Variants in DENND4C observed in about 807,000 individuals in gnomAD.
The protein encoded by DENND4C is DENN domain-containing protein 4C.
A neutral mutation model predicts 203.0 loss-of-function variants in DENND4C; 108 were observed. The ratio of observed to expected loss-of-function variants is 0.53; its 90% confidence interval spans 0.46 to 0.62. The LOEUF is 0.62. DENND4C is among the 20% of genes least tolerant of loss of function. DENND4C has a pLI of 0.00. For synonymous variants in DENND4C, 871 were observed against 792.4 expected (o/e 1.10, Z -1.67); for missense variants, 2,481 against 2,301.2 (o/e 1.08, Z -1.60).
intron 2 of DENND4C, among the ~76,000 whole-genome samples, chr9:19,282,715 CTTTT>C (rs1554717864): frequency 2.3e-5 from 2 of 86,638 alleles, no homozygotes; most frequent in Non-Finnish European, 2.1e-5. Context: ...TTTCTTCTCT[CTTTT>C]TTTTTTTTTT....
Position 19,278,184 on chromosome 9 carries a change from G to A in DENND4C, c.305+1705G>A, listed in dbSNP as rs191628981. Among the ~76,000 whole-genome samples, 807 of 151,328 alleles carry A rather than the reference G, an allele frequency of 5.3e-3. 4 individuals are homozygous for A. Among genetic ancestry groups the A allele is most frequent in the Middle Eastern group, 0.017 (5 of 294 alleles). ...AGAGTCTGGCTTCGTTGCCCAGGCT[G>A]GAGTGCAGTGGCGCAATCTTGGCTC... On this transcript the variant is annotated intron_variant, in intron 2 of 32. Coordinates refer to ENST00000434457, the MANE Select transcript of DENND4C (RefSeq NM_001330640.2).
chr9:19,348,259 G>A (rs1322090748), intron 23 of DENND4C, among the ~76,000 whole-genome samples: 1 of 152,198 alleles, frequency 6.6e-6, no homozygotes, highest in Non-Finnish European at 1.5e-5. Flanking sequence ...GATACAACTA[G>A]GGAATAGTAG....
chr9:19,245,867 A>C (rs1302922324), intron 1 of DENND4C, among the ~76,000 whole-genome samples: 1 of 152,158 alleles, frequency 6.6e-6, no homozygotes, highest in Non-Finnish European at 1.5e-5. Flanking sequence ...AAAAAAAAAA[A>C]AAAAATTGTA....
At chr9:19,297,343 A>C (rs559169064) in intron 6 of DENND4C, among the ~76,000 whole-genome samples, 4 of 152,302 alleles carry the variant, frequency 2.6e-5, no homozygotes, top group East Asian at 3.9e-4. Context: ...AACTCATCAT[A>C]ATTTGATATT....
intron 25 of DENND4C, 140 bp downstream of exon 25, chr9:19,352,322 A>T (rs958376385): frequency 1.4e-4 from 144 of 1,029,472 alleles, no homozygotes; most frequent in Non-Finnish European, 1.9e-4. Context: ...TTGATGTCTT[A>T]TGTAAGTAAG....
chr9:19,296,194 A>T lies in DENND4C; in HGVS notation c.988A>T (p.Met330Leu), dbSNP rs770551577. 1 of 1,613,730 alleles carries T rather than the reference A, an allele frequency of 6.2e-7. No homozygotes were observed. The highest frequency in any genetic ancestry group is 8.5e-7 in the Non-Finnish European group (1 of 1,179,814). The change falls in exon 6 of 33, where the codon ATG becomes TTG. Residue 330 changes from methionine to leucine, a missense_variant. Physicochemically the swap from Met to Leu is conservative, Grantham distance 15. This residue lies in a region of DENND4C where 2,289 missense variants were observed against 2,113.3 expected (regional missense o/e 1.08). Transcript: ENST00000434457. ...TTTTGAAGCTTTTAGGAAATTTCTT[A>T]TGTTTATCTACAAACTTTCTGTGTC... ...PFFEAFRKFL[M>L]FIYKLSVSGP...
In DENND4C at chr9:19,374,149, T is replaced by C. The variant is rs1247424868; in HGVS notation, c.*1976T>C. Among the ~76,000 whole-genome samples, 15 of 152,188 alleles carry C rather than the reference T, an allele frequency of 9.9e-5. 1 individual carries two copies. The highest frequency in any genetic ancestry group is 9.2e-4 in the Admixed American group (14 of 15,290). Reference sequence around the variant, plus strand: ...TTGTTGTTTTCTGTTACATTAAGCCTCTTGAAATCTGTAATCTTTAGAATC... The same window carrying C: ...TTGTTGTTTTCTGTTACATTAAGCCCCTTGAAATCTGTAATCTTTAGAATC... On this transcript the variant is annotated 3_prime_UTR_variant, in exon 33 of 33. Coordinates refer to ENST00000434457, the MANE Select transcript of DENND4C (RefSeq NM_001330640.2).
intron 1 of DENND4C, among the ~76,000 whole-genome samples, chr9:19,247,120 TTGGTTTTC>T (rs1325308565): frequency 6.6e-6 from 1 of 152,226 alleles, no homozygotes; most frequent in African/African-American, 2.4e-5. Context: ...AAAACTTTAC[TTGGTTTTC>T]TGGATGCCAT....
chr9:19,300,435 A>T (rs1838324028), intron 9 of DENND4C, 104 bp downstream of exon 9: 12 of 1,136,514 alleles, frequency 1.1e-5, no homozygotes, highest in South Asian at 6.4e-5. Flanking sequence ...CAACAAATTT[A>T]AAAAAAGGAA....
At chr9:19,241,635 C>T (rs1036122081) in intron 1 of DENND4C, among the ~76,000 whole-genome samples, 3 of 151,798 alleles carry the variant, frequency 2.0e-5, no homozygotes, top group African/African-American at 7.3e-5. Context: ...CACGTCTTGT[C>T]CTACTGGAAG....
intron 9 of DENND4C, among the ~76,000 whole-genome samples, chr9:19,304,617 A>C (rs112820393): frequency 1.3e-5 from 2 of 150,966 alleles, no homozygotes; most frequent in African/African-American, 4.9e-5. Flanking sequence ...GCTCACTGCA[A>C]GCTCCACCTC....
chr9:19,270,025 G>A (rs577793445), intron 1 of DENND4C, among the ~76,000 whole-genome samples: 10 of 152,326 alleles, frequency 6.6e-5, no homozygotes, highest in East Asian at 1.9e-4. Context: ...ACTTATAGCT[G>A]TATGGCCTTA....
At chr9:19,302,681 T>C (rs1838826886) in intron 9 of DENND4C, among the ~76,000 whole-genome samples, 1 of 152,252 alleles carries the variant, frequency 6.6e-6, no homozygotes, top group Admixed American at 6.5e-5. Context: ...TGCAGGGTCC[T>C]TTGTGAGTGG....
In DENND4C at chr9:19,288,619, T is replaced by C. The variant is rs1318037833; in HGVS notation, c.582T>C (p.Cys194=). ...AGTGGGGTTCCAGCGTGTTTCTGTGTTATAAGAAGTCTGTACCTGCTTCAA... is the reference window on the plus strand; with the variant it reads ...AGTGGGGTTCCAGCGTGTTTCTGTGCTATAAGAAGTCTGTACCTGCTTCAA... The part of the protein sequence containing the change: ...CGMWGSSVFL[C]YKKSVPASNA... Residue 194 remains cysteine (C), a synonymous_variant, in exon 4 of 33, where the codon TGT becomes TGC. Transcript: ENST00000434457. 2 of 1,231,690 alleles carry C rather than the reference T, an allele frequency of 1.6e-6. No homozygotes were observed. Among genetic ancestry groups the C allele is most frequent in the Non-Finnish European group, 2.0e-6 (2 of 987,782 alleles). The allele number at this position is 1,231,690 out of a possible 1,614,324, so 76.3% of individuals were successfully genotyped here.
chr9:19,283,181 TTAAAC>T (rs1408416756), intron 2 of DENND4C, among the ~76,000 whole-genome samples: 1 of 152,008 alleles, frequency 6.6e-6, no homozygotes, highest in Non-Finnish European at 1.5e-5. Flanking sequence ...TTTTAACTGT[TTAAAC>T]TATTTTGTTA....
At position 19,345,976 on chromosome 9, in the gene DENND4C, T is replaced by C. The variant is rs774882327; in HGVS notation, c.3207T>C (p.Phe1069=). ...STQDPVEDAV[F]GEATNLKKNG... Reference sequence around the variant, plus strand: ...AAGATCCAGTTGAAGATGCAGTCTTTGGCGAAGCTACTAATCTCAAGAAGA... The same window carrying C: ...AAGATCCAGTTGAAGATGCAGTCTTCGGCGAAGCTACTAATCTCAAGAAGA... The change falls in exon 23 of 33, where the codon TTT becomes TTC. Residue 1069 remains phenylalanine, a synonymous_variant. Transcript: ENST00000434457. The C allele has an allele frequency of 4.3e-6, 7 of 1,614,000 alleles. No individual in the cohort carries two copies. The African/African-American group carries it at 5.3e-5, about 12-fold the overall frequency.
chr9:19,364,020 G>C (rs903240575), intron 30 of DENND4C, among the ~76,000 whole-genome samples: 3 of 151,430 alleles, frequency 2.0e-5, no homozygotes, highest in Non-Finnish European at 4.4e-5. Context: ...TCTCATAAAA[G>C]AAAAAAAGGA....
chr9:19,296,807 A>C (rs1837569037), intron 6 of DENND4C, among the ~76,000 whole-genome samples: 1 of 152,234 alleles, frequency 6.6e-6, no homozygotes. Flanking sequence ...TTCTCTAATA[A>C]CCAAGAGACA....
Position 19,288,585 on chromosome 9 carries a change from A to G in DENND4C, c.559-11A>G, listed in dbSNP as rs1835671953. 2 of 1,229,928 alleles carry G rather than the reference A, an allele frequency of 1.6e-6. No homozygotes were observed. Among genetic ancestry groups the G allele is most frequent in the African/African-American group, 1.6e-5 (1 of 64,428 alleles). 76.2% of individuals were successfully genotyped at this position (1,229,928 alleles called of 1,614,324 possible). ...TTTGTCTTTTTTATAAACCTAATTC[A>G]TGTTTTACAGTGGGGTTCCAGCGTG... is the stretch of plus-strand genomic sequence containing the variant. On this transcript the variant is annotated splice_polypyrimidine_tract_variant and intron_variant, in intron 3 of 32. Transcript: ENST00000434457.
Sources: gnomAD v4.1 joint callset for allele counts (sites outside exome capture counted in the v4.1 genomes callset) on GRCh38, gnomAD v4.1.1 for gene constraint, gnomAD v4.1.1 regional missense constraint, MANE v1.5 for transcripts, NCBI Gene and HGNC (gene_info 2026-07-23, HGNC 2026-07-21) for gene names.